The following THSD4 variants were observed in gnomAD, a reference collection of about 807,000 sequenced individuals.
THSD4 encodes thrombospondin type 1 domain containing 4.
A neutral mutation model predicts 119.0 loss-of-function variants in THSD4; 69 were observed. The ratio of observed to expected loss-of-function variants is 0.58; its 90% CI spans 0.48 to 0.71. The LOEUF (loss-of-function observed/expected upper bound fraction) is 0.71. Ranked by LOEUF, THSD4 falls within the 30% of genes least tolerant of loss-of-function variation. The pLI is 0.00. For missense variants in THSD4, 1,393 were observed against 1,391.1 expected (o/e 1.00, Z -0.02); for synonymous variants, 524 against 540.4 (o/e 0.97, Z 0.42).
rs554009994 is a variant in THSD4 at position 71,239,706 on chromosome 15, T to C, written c.465-2943T>C. Among the ~76,000 whole-genome samples, 3 of 152,360 alleles carry C rather than the reference T, an allele frequency of 2.0e-5. No individual in the cohort carries two copies. In the South Asian group the frequency reaches 6.2e-4, roughly 32 times the overall value. On this transcript the variant is annotated intron_variant, in intron 4 of 17. Coordinates refer to ENST00000261862, the MANE Select transcript of THSD4 (RefSeq NM_024817.3). ...ACCACATGATTCTCCTGAAGGAGTT[T>C]ACTGGCCACACAGATCGCCTCGCCA...
chr15:71,113,447 A>G (rs1013976878), upstream of THSD4: 3 of 152,228 alleles, frequency 2.0e-5, no homozygotes, highest in Non-Finnish European at 4.4e-5. Context: ...AAACTTGTCT[A>G]AAATTATTTC....
chr15:71,387,647 C>G lies in THSD4; in HGVS notation c.1016-24040C>G, dbSNP rs79610731. The stretch of plus-strand genomic sequence containing the variant: ...AAGCTGTACCAGTCATATGAAGATA[C>G]AACTTTCATCCCGAACTTGCTTTAT... On this transcript the variant is annotated intron_variant, in intron 6 of 17. Coordinates refer to ENST00000261862, the MANE Select transcript of THSD4 (RefSeq NM_024817.3). Among the ~76,000 whole-genome samples, 679 of 152,258 alleles carry G rather than the reference C, an allele frequency of 4.5e-3. 4 individuals carry two copies. The highest frequency in any genetic ancestry group is 7.1e-3 in the Non-Finnish European group (486 of 68,004).
At chr15:71,131,290 GTATT>G (rs1373062815) in intron 1 of THSD4, among the ~76,000 whole-genome samples, 2 of 152,046 alleles carry the variant, frequency 1.3e-5, no homozygotes, top group Admixed American at 1.3e-4. Context: ...AAATAAAAAT[GTATT>G]TATTTAATAA....
intron 6 of THSD4, among the ~76,000 whole-genome samples, chr15:71,275,416 G>A (rs114728458): frequency 0.013 from 1,958 of 152,282 alleles, 44 homozygotes; most frequent in African/African-American, 0.044. Context: ...AAATTGGTGG[G>A]GACATGTCCT....
chr15:71,551,040 C>G (rs1294178723), intron 7 of THSD4, among the ~76,000 whole-genome samples: 1 of 152,138 alleles, frequency 6.6e-6, no homozygotes, highest in South Asian at 2.1e-4. Flanking sequence ...GTAAAATGTT[C>G]TATGAGCCAC....
intron 5 of THSD4, among the ~76,000 whole-genome samples, chr15:71,244,319 T>A (rs2044180664): frequency 6.6e-6 from 1 of 152,220 alleles, no homozygotes; most frequent in Non-Finnish European, 1.5e-5. Flanking sequence ...GTTAAGAGGT[T>A]AAATTTCTGA....
chr15:71,394,933 T>C (rs1323529530), intron 6 of THSD4, among the ~76,000 whole-genome samples: 1 of 152,198 alleles, frequency 6.6e-6, no homozygotes, highest in African/African-American at 2.4e-5. Context: ...ATGAAAGGCT[T>C]CCCAGGAGTC....
chr15:71,578,844 C>CTTTTT (rs373480493), intron 7 of THSD4, among the ~76,000 whole-genome samples: 6 of 132,274 alleles, frequency 4.5e-5, no homozygotes, highest in Non-Finnish European at 6.3e-5. Context: ...ACTGCATTAA[C>CTTTTT]TTTTTTTTTT....
chr15:71,753,025 A>C (rs552990030), intron 14 of THSD4, among the ~76,000 whole-genome samples: 1 of 152,364 alleles, frequency 6.6e-6, no homozygotes, highest in South Asian at 2.1e-4. Context: ...AATAAGCTCA[A>C]GAGGGAGAGA....
chr15:71,332,158 C>T lies in THSD4; in HGVS notation c.1015+75443C>T, dbSNP rs1210028059. Among the ~76,000 whole-genome samples the T allele has an allele frequency of 2.0e-5, 3 of 152,150 alleles. No individual in the cohort carries two copies. The East Asian group carries it at 5.8e-4, about 29-fold the overall frequency. Reference sequence around the variant, plus strand: ...CCCAGGAATAGGTTTGTCTCAGTACCCCTGCTGGGTTCCGCTATTGCCTCT... The same window carrying T: ...CCCAGGAATAGGTTTGTCTCAGTACTCCTGCTGGGTTCCGCTATTGCCTCT... On this transcript the variant is annotated intron_variant, in intron 6 of 17. Transcript: ENST00000261862.
chr15:71,629,509 C>T (rs72742736), intron 7 of THSD4, among the ~76,000 whole-genome samples: 6 of 152,300 alleles, frequency 3.9e-5, no homozygotes, highest in Non-Finnish European at 8.8e-5. Flanking sequence ...AGATATCACC[C>T]GCCCTAACTA....
At chr15:71,120,075 A>G (rs1386363285) in intron 1 of THSD4, among the ~76,000 whole-genome samples, 1 of 152,200 alleles carries the variant, frequency 6.6e-6, no homozygotes, top group African/African-American at 2.4e-5. Flanking sequence ...ACAAAAATGT[A>G]TATGTAATCT....
chr15:71,283,018 G>A lies in THSD4; in HGVS notation c.1015+26303G>A, dbSNP rs1442267907. ...GGAGTTTTGCACTGTCACCCAGGCT[G>A]GAGTGCAGTGGCACAATCTCGGCTC... On this transcript the variant is annotated intron_variant, in intron 6 of 17. Transcript: ENST00000261862. 2.8e-5 allele frequency among the ~76,000 whole-genome samples: 4 copies of A among 144,678 alleles called. No individual in the cohort carries two copies. The East Asian group carries it at 8.1e-4, about 29-fold the overall frequency. The allele number at this position is 144,678 out of a possible 152,430, so 94.9% of individuals were successfully genotyped here.
At chr15:71,438,877 TA>T (rs1437841036) in intron 7 of THSD4, among the ~76,000 whole-genome samples, 1 of 152,216 alleles carries the variant, frequency 6.6e-6, no homozygotes, top group Non-Finnish European at 1.5e-5. Flanking sequence ...TGTATTTAGG[TA>T]CCTTAACAAG....
chr15:71,268,673 G>T lies in THSD4; in HGVS notation c.1015+11958G>T, dbSNP rs1035390345. Among the ~76,000 whole-genome samples the T allele has an allele frequency of 4.3e-5, 6 of 138,842 alleles. No individual in the cohort carries two copies. The East Asian group carries it at 8.4e-4, about 20-fold the overall frequency. 91.1% of individuals were successfully genotyped at this position (138,842 alleles called of 152,430 possible). ...AAAACAATCAGTGAATCCAGGAACT[G>T]TTTTTTTTTTTTTTGAAAAGATTAG... On this transcript the variant is annotated intron_variant, in intron 6 of 17. Coordinates refer to ENST00000261862, the MANE Select transcript of THSD4 (RefSeq NM_024817.3).
chr15:71,773,093 T>C (rs1379324363), intron 17 of THSD4, among the ~76,000 whole-genome samples: 1 of 147,576 alleles, frequency 6.8e-6, no homozygotes, highest in Non-Finnish European at 1.5e-5. Flanking sequence ...CCCGGCTAAT[T>C]AGGAAGCTGA....
chr15:71,601,826 G>A (rs1020414503), intron 7 of THSD4, among the ~76,000 whole-genome samples: 3 of 152,300 alleles, frequency 2.0e-5, no homozygotes, highest in South Asian at 2.1e-4. Context: ...AGCTGTGTGC[G>A]TGAGCAGCTC....
intron 6 of THSD4, among the ~76,000 whole-genome samples, chr15:71,310,712 A>C (rs2045099543): frequency 6.6e-6 from 1 of 152,174 alleles, no homozygotes; most frequent in Non-Finnish European, 1.5e-5. Flanking sequence ...TTACACAGAA[A>C]AGCATTGGGA....
chr15:71,524,487 G>A (rs2048487292), intron 7 of THSD4, among the ~76,000 whole-genome samples: 2 of 152,082 alleles, frequency 1.3e-5, no homozygotes, highest in African/African-American at 4.8e-5. Context: ...TAAGCTGCAG[G>A]AGGCTGCGCA....
Sources: gnomAD v4.1 joint callset for allele counts (sites outside exome capture counted in the v4.1 genomes callset) on GRCh38, gnomAD v4.1.1 for gene constraint, MANE v1.5 for transcripts, NCBI Gene and HGNC (gene_info 2026-07-23, HGNC 2026-07-21) for gene names.